Variants in NCR1 observed in about 807,000 individuals in gnomAD.
NCR1 encodes the protein NK cell-activating receptor.
A neutral mutation model predicts 32.5 loss-of-function variants in NCR1; 30 were observed. The observed-to-expected ratio is 0.92, with a 90% CI of 0.69 to 1.25. The LOEUF (loss-of-function observed/expected upper bound fraction) is 1.25. Among genes scored for constraint, NCR1 ranks in the 50% most tolerant of loss-of-function variants. The pLI, the probability that NCR1 is intolerant of heterozygous loss-of-function variation, is 0.00. For missense variants in NCR1, 369 were observed against 380.7 expected (o/e 0.97, Z 0.26); for synonymous variants, 169 against 143.4 (o/e 1.18, Z -1.28).
chr19:54,912,246 C>G, intron 6 of NCR1, 28 bp downstream of exon 6: 1 of 1,608,270 alleles, frequency 6.2e-7, no homozygotes, highest in Non-Finnish European at 8.5e-7. Context: ...GCCATAGGCT[C>G]TGAAGGAAGG....
chr19:54,900,322 A>C, the NCR1 span, among the ~76,000 whole-genome samples: 1 of 152,046 alleles, frequency 6.6e-6, no homozygotes, highest in South Asian at 2.1e-4. Flanking sequence ...GTTTTATAGG[A>C]TTTGGGTAGG....
intron 3 of NCR1, among the ~76,000 whole-genome samples, chr19:54,907,481 T>A (rs1195122896): frequency 1.3e-4 from 10 of 78,344 alleles, no homozygotes; most frequent in South Asian, 3.9e-4. Flanking sequence ...AAAAAAAAAA[T>A]TAGCTTTTTT....
chr19:54,934,490 A>G, the NCR1 span: 2 of 1,614,120 alleles, frequency 1.2e-6, no homozygotes, highest in Non-Finnish European at 1.7e-6. The surrounding 1 kb of genome is among the most constrained non-coding windows in gnomAD (Gnocchi z 6.7). Flanking sequence ...GAGACTTACG[A>G]CAACATCTGC....
the NCR1 span, among the ~76,000 whole-genome samples, chr19:54,937,788 T>G: frequency 2.0e-5 from 3 of 149,500 alleles, no homozygotes; most frequent in African/African-American, 7.4e-5. Context: ...TCCCAGCTAC[T>G]CGGGAGGCTG....
At chr19:54,918,999 A>T (rs2068187912), downstream of NCR1, among the ~76,000 whole-genome samples, 1 of 149,092 alleles carries the variant, frequency 6.7e-6, no homozygotes, top group East Asian at 2.0e-4. Context: ...AAAAAAAAAA[A>T]GTGAGAACAT....
chr19:54,913,360 T>C (rs182150185), downstream of NCR1, among the ~76,000 whole-genome samples: 1 of 152,296 alleles, frequency 6.6e-6, no homozygotes, highest in East Asian at 1.9e-4. Flanking sequence ...AGCCACTGAA[T>C]TTCTTCTGTA....
downstream of NCR1, among the ~76,000 whole-genome samples, chr19:54,919,532 A>G (rs1602084595): frequency 2.0e-5 from 3 of 152,256 alleles, 1 homozygote; most frequent in Middle Eastern, 0.01. Context: ...TGCTATCTAG[A>G]AGGCAGAGCC....
chr19:54,912,027 G>T, intron 5 of NCR1, 141 bp from the exon 6 acceptor site: 1 of 722,214 alleles, frequency 1.4e-6, no homozygotes. Context: ...CACTTTACCT[G>T]CTGGATGAAG....
rs748590677 is a variant in NCR1, at chr19:54,909,285, C to T, written c.396C>T (p.Pro132=). 2.8e-5 allele frequency: 45 copies of T among 1,613,932 alleles called. No homozygotes were observed. Among genetic ancestry groups the T allele is most frequent in the African/African-American group, 4.0e-5 (3 of 74,896 alleles). ...CCACCCTCTCGGTTCATCCTGGACC[C>T]GAAGTGATCTCGGGAGAGAAGGTGA... ...DTPTLSVHPG[P]EVISGEKVTF... Residue 132 remains proline, a synonymous_variant, in exon 4 of 7, where the codon CCC becomes CCT. Transcript: ENST00000291890.
the NCR1 span, among the ~76,000 whole-genome samples, chr19:54,924,944 A>G: frequency 1.1e-4 from 16 of 152,144 alleles, no homozygotes; most frequent in Non-Finnish European, 2.2e-4. Context: ...CTCCAAATAA[A>G]TAAATAAAAA....
At position 54,911,344 on chromosome 19, in the gene NCR1, G is replaced by A. The variant is rs775510548; in HGVS notation, c.683-824G>A. On this transcript the variant is annotated intron_variant, in intron 5 of 6. Coordinates refer to ENST00000291890, the MANE Select transcript of NCR1 (RefSeq NM_004829.7). The stretch of plus-strand genomic sequence containing the variant: ...AGCCTGGGCGACAGAGTGAGACTCC[G>A]TCTCAAAAAAAAAGAAAAAGAAAAA... Among the ~76,000 whole-genome samples the A allele has an allele frequency of 2.5e-4, 35 of 141,254 alleles. No homozygotes were observed. In the East Asian group the frequency reaches 3.7e-3, roughly 15 times the overall value. The allele number at this position is 141,254 out of a possible 152,430, so 92.7% of individuals were successfully genotyped here. A position where few individuals can be genotyped will look rare whatever the true frequency, so the allele number is the denominator to read the frequency against.
rs1276136296 is a variant in NCR1, at chr19:54,910,001, T to C, written c.635-17T>C. ...AACCAAAAACCCTTACTTTTTTTTC[T>C]TTATCTCCTTTTCCAGGCGACATTG... On this transcript the variant is annotated splice_polypyrimidine_tract_variant and intron_variant, in intron 4 of 6. Transcript: ENST00000291890. The C allele has an allele frequency of 6.2e-7, 1 of 1,610,694 alleles. No individual in the cohort carries two copies. Among genetic ancestry groups the C allele is most frequent in the East Asian group, 2.2e-5 (1 of 44,834 alleles).
At chr19:54,934,596 G>A in the NCR1 span, 36 of 1,614,020 alleles carry the variant, frequency 2.2e-5, no homozygotes, top group East Asian at 6.2e-4. This position sits in a 1 kb window ranked among gnomAD's most constrained non-coding sequence, Gnocchi z 6.7. Flanking sequence ...TCAGGGACTG[G>A]TTGGCTTTGA....
At chr19:54,936,914 C>CAAAAAAAAAAAAA in the NCR1 span, among the ~76,000 whole-genome samples, 1 of 142,050 alleles carries the variant, frequency 7.0e-6, no homozygotes, top group Non-Finnish European at 1.5e-5. Flanking sequence ...GACTCCATCT[C>CAAAAAAAAAAAAA]AAAAGAAAAA....
chr19:54,932,733 G>A, the NCR1 span, among the ~76,000 whole-genome samples: 1 of 151,816 alleles, frequency 6.6e-6, no homozygotes, highest in East Asian at 1.9e-4. Flanking sequence ...TCAGCTCACT[G>A]CAGCCTCTGC....
At chr19:54,909,161 C>T (rs2067805090) in intron 3 of NCR1, 84 bp from the exon 4 acceptor site, 1 of 1,328,198 alleles carries the variant, frequency 7.5e-7, no homozygotes, top group Non-Finnish European at 1.0e-6. Context: ...CAGAGAGAGA[C>T]TCCATCTCTA....
In NCR1 at chr19:54,909,491, TC is replaced by T; in HGVS notation, c.606del (p.Ser203ValfsTer4). 2 of 1,608,052 alleles carry T rather than the reference TC, an allele frequency of 1.2e-6. No individual in the cohort carries two copies. The highest frequency in any genetic ancestry group is 1.7e-6 in the Non-Finnish European group (2 of 1,179,750). ...FGSYNNHAWS[F>X]PSEPVKLLVT... is the part of the protein sequence containing the mutation. ...TCCTATAACAACCATGCCTGGTCTTTCCCCAGTGAGCCAGTGAAGCTCCTGG... is the reference window on the plus strand; with the variant it reads ...TCCTATAACAACCATGCCTGGTCTTTCCCAGTGAGCCAGTGAAGCTCCTGG... On this transcript the variant is annotated frameshift_variant, in exon 4 of 7. Transcript: ENST00000291890. LOFTEE classifies it high-confidence loss of function.
the NCR1 span, among the ~76,000 whole-genome samples, chr19:54,900,455 G>A: frequency 6.6e-6 from 1 of 152,160 alleles, no homozygotes; most frequent in African/African-American, 2.4e-5. Context: ...ATAAGATAAT[G>A]TCATCACTTA....
chr19:54,906,958 A>C, intron 3 of NCR1, 151 bp downstream of exon 3: 3 of 901,774 alleles, frequency 3.3e-6, no homozygotes, highest in Non-Finnish European at 5.0e-6. Context: ...CCTTGCCTAC[A>C]AGGGGTTGTC....
Sources: allele counts gnomAD v4.1 joint callset (sites outside exome capture counted in the v4.1 genomes callset), GRCh38; gene constraint gnomAD v4.1.1; non-coding constraint Gnocchi (gnomAD v3.1); transcripts MANE v1.5; gene names NCBI Gene and HGNC (gene_info 2026-07-23, HGNC 2026-07-21).